Variants in PDZD2 observed in about 807,000 individuals in gnomAD.
PDZD2 encodes PDZ domain-containing protein 2.
A neutral mutation model predicts 220.7 loss-of-function variants in PDZD2; 90 were observed. The ratio of observed to expected loss-of-function variants is 0.41; its 90% confidence interval spans 0.34 to 0.49. The LOEUF (loss-of-function observed/expected upper bound fraction) is 0.49, where lower values mean the gene tolerates loss of function less well. PDZD2 is among the 20% of genes least tolerant of loss of function. The pLI, the probability that PDZD2 is intolerant of heterozygous loss-of-function variation, is 0.28. For synonymous variants in PDZD2, 1,375 were observed against 1,450.5 expected, an observed-to-expected ratio of 0.95 and a Z score of 1.18; for missense variants, 3,174 against 3,608.5, an observed-to-expected ratio of 0.88 and a Z score of 3.08.
intron 3 of PDZD2, among the ~76,000 whole-genome samples, chr5:31,989,425 T>TTTTTTTTTTTTTTTTTATTTATTTATTTA (rs1554020127): frequency 6.9e-6 from 1 of 145,816 alleles, no homozygotes; most frequent in Non-Finnish European, 1.5e-5. Context: ...TCTTTTCTTT[T>TTTTTTTTTTTTTTTTTATTTATTTATTTA]TTTTTTTTTT....
chr5:32,014,699 A>AC (rs1753602850), intron 6 of PDZD2, among the ~76,000 whole-genome samples: 1 of 120,716 alleles, frequency 8.3e-6, no homozygotes, highest in African/African-American at 4.3e-5. Flanking sequence ...CTCTGCAATG[A>AC]CAATTTCTTT....
At chr5:32,041,356 C>G (rs992081198) in intron 7 of PDZD2, among the ~76,000 whole-genome samples, 1 of 152,108 alleles carries the variant, frequency 6.6e-6, no homozygotes, top group African/African-American at 2.4e-5. Context: ...AGACAGCGAC[C>G]ATCGAGAACG....
intron 2 of PDZD2, among the ~76,000 whole-genome samples, chr5:31,870,842 T>C (rs540290821): frequency 7.0e-6 from 1 of 142,226 alleles, no homozygotes; most frequent in African/African-American, 2.7e-5. Flanking sequence ...TGAGTGGAAA[T>C]CACACCACTG....
chr5:31,800,713 G>T (rs1754342278), intron 2 of PDZD2, among the ~76,000 whole-genome samples: 1 of 152,208 alleles, frequency 6.6e-6, no homozygotes. Flanking sequence ...ACACATCAGG[G>T]TTTTAATGAT....
chr5:31,700,926 T>C (rs1354337530), intron 1 of PDZD2, among the ~76,000 whole-genome samples: 1 of 152,192 alleles, frequency 6.6e-6, no homozygotes, highest in African/African-American at 2.4e-5. Context: ...GAAAGTGGGC[T>C]CCCATCTCCT....
intron 3 of PDZD2, among the ~76,000 whole-genome samples, chr5:31,989,205 G>A (rs770043242): frequency 7.2e-5 from 11 of 151,992 alleles, no homozygotes; most frequent in Admixed American, 2.6e-4. Context: ...CTGCTTCCCC[G>A]TTTTCCAGTC....
At chr5:31,869,428 T>C (rs2330779) in intron 2 of PDZD2, among the ~76,000 whole-genome samples, 134,397 of 152,088 alleles carry the variant, frequency 0.88, 60,159 homozygotes, top group Non-Finnish European at 0.96. Context: ...CCGGGCGTGG[T>C]GGCGGGCGCC....
rs1048396554 is a variant in PDZD2 at position 32,000,588 on chromosome 5, G to A, written c.1254+317G>A. ...TGCAATGGCGCAATCTCGGCTCACC[G>A]CAACCTCCACCTTCCGGATTCAAGC... On this transcript the variant is annotated intron_variant, in intron 5 of 24. Coordinates refer to ENST00000438447, the MANE Select transcript of PDZD2 (RefSeq NM_178140.4). This position sits in a 1 kb window ranked among gnomAD's most constrained non-coding sequence, Gnocchi z 4.5. Among the ~76,000 whole-genome samples, 8 of 152,044 alleles carry A rather than the reference G, an allele frequency of 5.3e-5. No homozygotes were observed. Among genetic ancestry groups the A allele is most frequent in the Non-Finnish European group, 7.4e-5 (5 of 68,024 alleles).
At chr5:31,714,803 A>G (rs1383918801) in intron 1 of PDZD2, among the ~76,000 whole-genome samples, 1 of 152,094 alleles carries the variant, frequency 6.6e-6, no homozygotes, top group Non-Finnish European at 1.5e-5. Flanking sequence ...TCACGCCTGT[A>G]ATCCTAGTAC....
intron 2 of PDZD2, among the ~76,000 whole-genome samples, chr5:31,910,510 C>T (rs577200844): frequency 1.3e-5 from 2 of 151,288 alleles, no homozygotes; most frequent in East Asian, 1.9e-4. Flanking sequence ...CTTGCCTCAG[C>T]CTCCTGAGTA....
At chr5:31,847,490 T>A (rs1757651106) in intron 2 of PDZD2, 1 of 623,822 alleles carries the variant, frequency 1.6e-6, no homozygotes, top group Admixed American at 1.9e-5. Context: ...GATATGATAG[T>A]CTGCACAGCT....
chr5:31,850,629 A>C (rs577327266), intron 2 of PDZD2, among the ~76,000 whole-genome samples: 51 of 148,252 alleles, frequency 3.4e-4, no homozygotes, highest in African/African-American at 1.2e-3. Flanking sequence ...CATTGTACCC[A>C]AATTCTTTTT....
chr5:31,644,495 C>T (rs1346825344), intron 1 of PDZD2, among the ~76,000 whole-genome samples: 1 of 152,104 alleles, frequency 6.6e-6, no homozygotes, highest in Non-Finnish European at 1.5e-5. Flanking sequence ...TTGAAGAGGC[C>T]TTTTGTGGTC....
At chr5:31,775,664 C>CGCGTGT (rs1554073326) in intron 1 of PDZD2, among the ~76,000 whole-genome samples, 18 of 135,472 alleles carry the variant, frequency 1.3e-4, no homozygotes, top group African/African-American at 5.1e-4. Flanking sequence ...ACTCACAGAG[C>CGCGTGT]GTGTGTGTGT....
chr5:31,791,053 C>T (rs569141480), intron 1 of PDZD2, among the ~76,000 whole-genome samples: 1 of 152,096 alleles, frequency 6.6e-6, no homozygotes, highest in Non-Finnish European at 1.5e-5. Context: ...CAGTTGAAAC[C>T]GTGGTTTCTG....
intron 3 of PDZD2, among the ~76,000 whole-genome samples, chr5:31,987,499 TCC>T (rs1209709228): frequency 6.6e-6 from 1 of 152,132 alleles, no homozygotes; most frequent in Non-Finnish European, 1.5e-5. Context: ...CTGAGGATGG[TCC>T]TTTTCCAGGA....
intron 2 of PDZD2, among the ~76,000 whole-genome samples, chr5:31,952,352 T>G (rs1250198921): frequency 3.9e-5 from 6 of 152,230 alleles, no homozygotes; most frequent in Non-Finnish European, 8.8e-5. Flanking sequence ...CCCTTTGATT[T>G]ATGATCTGGT....
At chr5:31,656,976 G>A (rs1368291552) in intron 1 of PDZD2, among the ~76,000 whole-genome samples, 1 of 152,160 alleles carries the variant, frequency 6.6e-6, no homozygotes, top group Non-Finnish European at 1.5e-5. Context: ...AAGGAGGAGG[G>A]TTTAGAAATG....
intron 24 of PDZD2, among the ~76,000 whole-genome samples, chr5:32,103,241 AAAACAAAC>A (rs202176156): frequency 2.6e-5 from 4 of 152,116 alleles, no homozygotes; most frequent in East Asian, 1.9e-4. Context: ...GTATTTATTT[AAAACAAAC>A]AAACAAACAA....
Sources: gnomAD v4.1 joint callset for allele counts (sites outside exome capture counted in the v4.1 genomes callset) on GRCh38, gnomAD v4.1.1 for gene constraint, Gnocchi (gnomAD v3.1) non-coding constraint, MANE v1.5 for transcripts, NCBI Gene and HGNC (gene_info 2026-07-23, HGNC 2026-07-21) for gene names.